EIF3H: variants seen among roughly 807,000 people sequenced by gnomAD.
EIF3H encodes eukaryotic translation initiation factor 3 subunit H.
A neutral mutation model predicts 44.2 loss-of-function variants in EIF3H; 26 were observed. That is an observed-to-expected ratio of 0.59 (90% CI 0.43 to 0.82). The LOEUF is 0.82. Ranked by LOEUF, EIF3H falls within the 40% of genes least tolerant of loss-of-function variation. The pLI is 0.00. For missense variants in EIF3H, 359 were observed against 432.8 expected (o/e 0.83, Z 1.51); for synonymous variants, 166 against 151.9 (o/e 1.09, Z -0.68).
At chr8:116,749,824 GCTTA>G (rs529423887) in intron 1 of EIF3H, among the ~76,000 whole-genome samples, 12 of 11,494 alleles carry the variant, frequency 1.0e-3, no homozygotes, top group Non-Finnish European at 2.4e-3. Flanking sequence ...CCTGTGGAGG[GCTTA>G]CTTTTCTTTG....
chr8:116,654,302 A>T (rs371206715), intron 5 of EIF3H, among the ~76,000 whole-genome samples: 6 of 152,336 alleles, frequency 3.9e-5, no homozygotes, highest in African/African-American at 1.4e-4. Flanking sequence ...AACTGAGAAC[A>T]TTTTCTTGGC....
At chr8:116,738,590 T>C (rs1042369775) in intron 1 of EIF3H, among the ~76,000 whole-genome samples, 4 of 152,184 alleles carry the variant, frequency 2.6e-5, no homozygotes, top group Non-Finnish European at 4.4e-5. Flanking sequence ...GCTTCAACAA[T>C]TGAACAATTT....
At chr8:116,750,024 GTT>G (rs1163518932) in intron 1 of EIF3H, among the ~76,000 whole-genome samples, 1 of 152,296 alleles carries the variant, frequency 6.6e-6, no homozygotes, top group Non-Finnish European at 1.5e-5. Flanking sequence ...TAATCTCTGG[GTT>G]CATCTACATC....
intron 1 of EIF3H, among the ~76,000 whole-genome samples, chr8:116,732,813 T>C (rs1814973643): frequency 6.6e-6 from 1 of 152,182 alleles, no homozygotes; most frequent in African/African-American, 2.4e-5. Flanking sequence ...TCAAACACAC[T>C]GTTTCTCTTT....
chr8:116,642,310 A>G lies in EIF3H; in HGVS notation c.*2696T>C, dbSNP rs995004229. ...TATGAAGAATGTAATAATATTTTAG[A>G]AGACATTAAAACTTAAATATTTAGA... On this transcript the variant is annotated 3_prime_UTR_variant, in exon 8 of 8. Transcript: ENST00000521861. 6.6e-6 allele frequency: 1 copy of G among 152,220 alleles called. No homozygotes were observed. Among genetic ancestry groups the G allele is most frequent in the African/African-American group, 2.4e-5 (1 of 41,478 alleles). The allele number at this position is 152,220 out of a possible 1,614,324, so 9.4% of individuals were successfully genotyped here. A position where few individuals can be genotyped will look rare whatever the true frequency, so the allele number is the denominator to read the frequency against.
At chr8:116,687,915 TG>T (rs1404890059) in intron 2 of EIF3H, among the ~76,000 whole-genome samples, 2 of 152,104 alleles carry the variant, frequency 1.3e-5, no homozygotes, top group African/African-American at 4.8e-5. Context: ...TAAGAATATT[TG>T]TAAAAAAATA....
At chr8:116,750,610 C>T (rs1287280108) in intron 1 of EIF3H, among the ~76,000 whole-genome samples, 1 of 151,874 alleles carries the variant, frequency 6.6e-6, no homozygotes, top group African/African-American at 2.4e-5. Flanking sequence ...AGGGTTTCAC[C>T]ATGTTAGCCA....
chr8:116,653,182 C>T (rs1176465552), intron 5 of EIF3H, among the ~76,000 whole-genome samples: 1 of 151,884 alleles, frequency 6.6e-6, no homozygotes, highest in South Asian at 2.1e-4. Flanking sequence ...TAAAACAGAC[C>T]CACTGTTTCT....
chr8:116,743,792 ATATATAAACACACACACAC>A (rs1563659863), intron 1 of EIF3H, among the ~76,000 whole-genome samples: 1,926 of 89,462 alleles, frequency 0.022, 63 homozygotes, highest in African/African-American at 0.081. Context: ...ATATATATAT[ATATATAAACACACACACAC>A]ACACACACAC....
chr8:116,728,629 C>A lies in EIF3H; in HGVS notation c.133-2457G>T, dbSNP rs182390844. 1.2e-4 allele frequency among the ~76,000 whole-genome samples: 19 copies of A among 152,176 alleles called. No homozygotes were observed. The East Asian group carries it at 3.3e-3, about 26-fold the overall frequency. ...AGAGCTCAAAATGGAGTAACACCAA[C>A]TAATAAGATTGGCAGACCTTCAATA... On this transcript the variant is annotated intron_variant, in intron 1 of 7. Coordinates refer to ENST00000521861, the MANE Select transcript of EIF3H (RefSeq NM_003756.3).
intron 1 of EIF3H, among the ~76,000 whole-genome samples, chr8:116,730,125 T>C (rs1465607878): frequency 1.3e-5 from 2 of 152,242 alleles, no homozygotes; most frequent in East Asian, 1.9e-4. Context: ...AAACCTCAGT[T>C]CTTTAGTTCA....
At chr8:116,712,662 A>C (rs866039656) in intron 2 of EIF3H, among the ~76,000 whole-genome samples, 2 of 152,206 alleles carry the variant, frequency 1.3e-5, no homozygotes, top group African/African-American at 4.8e-5. Context: ...GTAAGCCACG[A>C]AGAATAATCT....
intron 1 of EIF3H, among the ~76,000 whole-genome samples, chr8:116,762,580 C>T (rs1416481731): frequency 6.6e-6 from 1 of 152,218 alleles, no homozygotes; most frequent in Non-Finnish European, 1.5e-5. Flanking sequence ...CCATGCAACA[C>T]TTACACTTAC....
chr8:116,702,019 A>G (rs545987311), intron 2 of EIF3H, among the ~76,000 whole-genome samples: 60 of 152,312 alleles, frequency 3.9e-4, no homozygotes, highest in African/African-American at 1.3e-3. Context: ...TAAAAGATTT[A>G]AATATATACA....
intron 2 of EIF3H, among the ~76,000 whole-genome samples, chr8:116,720,576 T>C (rs1388510580): frequency 6.6e-6 from 1 of 151,984 alleles, no homozygotes; most frequent in African/African-American, 2.4e-5. Flanking sequence ...TACCCGAAAA[T>C]GTGGAAGTGA....
intron 4 of EIF3H, among the ~76,000 whole-genome samples, chr8:116,656,838 C>G (rs1403250669): frequency 6.6e-6 from 1 of 152,146 alleles, no homozygotes; most frequent in Non-Finnish European, 1.5e-5. Flanking sequence ...ATCTTTCCCA[C>G]CCCCTCATTA....
chr8:116,720,324 A>C (rs558255595), intron 2 of EIF3H, among the ~76,000 whole-genome samples: 1 of 152,274 alleles, frequency 6.6e-6, no homozygotes, highest in African/African-American at 2.4e-5. Flanking sequence ...AAAAATATTA[A>C]ATGTTTTCAT....
At chr8:116,745,092 G>C (rs1278595748) in intron 1 of EIF3H, among the ~76,000 whole-genome samples, 1 of 152,156 alleles carries the variant, frequency 6.6e-6, no homozygotes, top group Non-Finnish European at 1.5e-5. Context: ...GAAGGCAAAA[G>C]ATAAAAAATG....
At chr8:116,655,779 A>T in intron 5 of EIF3H, 77 bp downstream of exon 5, 1 of 1,445,110 alleles carries the variant, frequency 6.9e-7, no homozygotes, top group Non-Finnish European at 9.6e-7. Context: ...TTCTTGTTTC[A>T]CAGGTAAAGT....
Sources: allele counts gnomAD v4.1 joint callset (sites outside exome capture counted in the v4.1 genomes callset), GRCh38; gene constraint gnomAD v4.1.1; transcripts MANE v1.5; gene names NCBI Gene and HGNC (gene_info 2026-07-23, HGNC 2026-07-21).